The following NAV2 variants were observed in gnomAD, a reference collection of about 807,000 sequenced individuals.
The protein encoded by NAV2 is neuron navigator 2, also known as helicase, APC down-regulated 1.
NAV2 carries 54 observed loss-of-function variants against 223.2 expected under a neutral mutation model. That is an observed-to-expected ratio of 0.24 (90% confidence interval 0.19 to 0.30). The LOEUF is 0.30. NAV2 is among the 10% of genes least tolerant of loss of function. The probability of loss-of-function intolerance (pLI) is 1.00; values close to 1 mark genes in which losing one functional copy is unlikely to be tolerated. For missense variants in NAV2, 2,806 were observed against 3,147.5 expected, an observed-to-expected ratio of 0.89 and a Z score of 2.60; for synonymous variants, 1,279 against 1,239.3, an observed-to-expected ratio of 1.03 and a Z score of -0.67.
intron 36 of NAV2, among the ~76,000 whole-genome samples, chr11:20,110,381 T>C (rs2062518891): frequency 6.6e-6 from 1 of 152,202 alleles, no homozygotes; most frequent in African/African-American, 2.4e-5. Context: ...CCTCTGGTTT[T>C]GAAGGAACAT....
At position 20,077,976 on chromosome 11, in the gene NAV2, T is replaced by G; in HGVS notation, c.5068-17T>G. On this transcript the variant is annotated splice_polypyrimidine_tract_variant and intron_variant, in intron 23 of 37. Coordinates refer to ENST00000349880, the MANE Select transcript of NAV2 (RefSeq NM_145117.5). ...AGAATGATTTTAGGCTGACCAATAA[T>G]TTTTTCTGTTCCCTAGGACTCAGAA... The G allele has an allele frequency of 6.3e-7, 1 of 1,594,876 alleles. No homozygotes were observed. Among genetic ancestry groups the G allele is most frequent in the Non-Finnish European group, 8.6e-7 (1 of 1,163,096 alleles).
chr11:19,915,124 T>G (rs2043688429), intron 6 of NAV2, among the ~76,000 whole-genome samples: 1 of 152,240 alleles, frequency 6.6e-6, no homozygotes, highest in Non-Finnish European at 1.5e-5. Context: ...ACAGCTTTGC[T>G]GCACTAATCC....
intron 1 of NAV2, among the ~76,000 whole-genome samples, chr11:19,453,901 T>C (rs2133810093): frequency 6.6e-6 from 1 of 152,346 alleles, no homozygotes; most frequent in South Asian, 2.1e-4. Flanking sequence ...CTTAATTGAA[T>C]GCCTTTATGT....
At chr11:19,848,457 C>T (rs1182909105) in intron 3 of NAV2, among the ~76,000 whole-genome samples, 1 of 152,168 alleles carries the variant, frequency 6.6e-6, no homozygotes. Flanking sequence ...TTCTCTGGTC[C>T]TCCTCAGTCT....
chr11:20,004,889 A>G (rs1414996440), intron 11 of NAV2, among the ~76,000 whole-genome samples: 1 of 152,162 alleles, frequency 6.6e-6, no homozygotes, highest in African/African-American at 2.4e-5. Context: ...GCTCCAGAAT[A>G]GGGTTCAGCT....
chr11:19,933,501 G>T lies in NAV2; in HGVS notation c.1257G>T (p.Gly419=), dbSNP rs1408376962. ...NSKGGSKAGE[G]PGSRDTSCER... ...AAGGGGGCTCAAAGGCAGGTGAGGG[G>T]CCGGGGTCCCGGGACACAAGCTGTG... is the stretch of plus-strand genomic sequence containing the variant. The change falls in exon 7 of 38, where the codon GGG becomes GGT. Residue 419 remains glycine, a synonymous_variant. Coordinates refer to ENST00000349880, the MANE Select transcript of NAV2 (RefSeq NM_145117.5). This position sits in a 1 kb window ranked among gnomAD's most constrained non-coding sequence, Gnocchi z 4.3. The T allele has an allele frequency of 1.2e-6, 2 of 1,611,064 alleles. No homozygotes were observed. The highest frequency in any genetic ancestry group is 2.2e-5 in the South Asian group (2 of 90,840).
At chr11:19,345,501 G>T in the NAV2 span, among the ~76,000 whole-genome samples, 2 of 152,354 alleles carry the variant, frequency 1.3e-5, no homozygotes, top group East Asian at 3.9e-4. The surrounding 1 kb of genome is among the most constrained non-coding windows in gnomAD (Gnocchi z 5.2). Flanking sequence ...GCCCCTCATT[G>T]AGAGGCTCGG....
At chr11:19,366,352 G>A (rs753219753) in intron 1 of NAV2, among the ~76,000 whole-genome samples, 1 of 152,230 alleles carries the variant, frequency 6.6e-6, no homozygotes, top group Non-Finnish European at 1.5e-5. Context: ...GCAGGAGGGT[G>A]TGGATGGCTT....
chr11:19,867,911 CTT>C (rs1389470187), intron 3 of NAV2, among the ~76,000 whole-genome samples: 3 of 152,160 alleles, frequency 2.0e-5, no homozygotes, highest in Non-Finnish European at 4.4e-5. Flanking sequence ...AGTGTAGACA[CTT>C]TACATTTTCT....
chr11:19,841,191 A>T (rs924409135), intron 2 of NAV2, among the ~76,000 whole-genome samples: 2 of 151,894 alleles, frequency 1.3e-5, no homozygotes, highest in Non-Finnish European at 2.9e-5. Context: ...GGCAGGTTCT[A>T]AAAAAAAGGT....
chr11:19,963,863 A>ACAGTGATTTACCGAAGCG (rs2048542602), intron 10 of NAV2, among the ~76,000 whole-genome samples: 1 of 152,220 alleles, frequency 6.6e-6, no homozygotes, highest in African/African-American at 2.4e-5. Flanking sequence ...CCAATTCTGC[A>ACAGTGATTTACCGAAGCG]CAGTGATTTA....
At chr11:20,013,201 C>G (rs1212311208) in intron 11 of NAV2, among the ~76,000 whole-genome samples, 1 of 6,030 alleles carries the variant, frequency 1.7e-4, no homozygotes. Flanking sequence ...TAAAATCTAT[C>G]ATACTGGGAT....
At chr11:19,870,041 T>C (rs1201362811) in intron 4 of NAV2, among the ~76,000 whole-genome samples, 5 of 152,134 alleles carry the variant, frequency 3.3e-5, no homozygotes, top group East Asian at 3.9e-4. Flanking sequence ...ATGTATTGCG[T>C]CTCTGAGTGG....
chr11:19,766,575 G>A (rs2055246996), intron 1 of NAV2, among the ~76,000 whole-genome samples: 1 of 152,174 alleles, frequency 6.6e-6, no homozygotes, highest in South Asian at 2.1e-4. Flanking sequence ...GAGCCAACCT[G>A]CAAACCAAGT....
intron 10 of NAV2, among the ~76,000 whole-genome samples, chr11:19,965,875 G>A (rs1373555803): frequency 1.3e-5 from 2 of 152,316 alleles, no homozygotes; most frequent in South Asian, 2.1e-4. Flanking sequence ...AAAACAGCAG[G>A]GCTGGCATTG....
intron 1 of NAV2, among the ~76,000 whole-genome samples, chr11:19,436,530 T>C (rs1202300608): frequency 1.3e-5 from 2 of 152,202 alleles, no homozygotes; most frequent in East Asian, 1.9e-4. Context: ...CTTTGTTTTT[T>C]TTCCTTTGGT....
intron 11 of NAV2, among the ~76,000 whole-genome samples, chr11:20,033,778 G>C (rs1453440047): frequency 2.0e-5 from 3 of 152,032 alleles, no homozygotes; most frequent in Non-Finnish European, 4.4e-5. Context: ...TGTACAGGCA[G>C]GTATCTTCCA....
At position 20,114,679 on chromosome 11, in the gene NAV2, T is replaced by C; in HGVS notation, c.7048T>C (p.Trp2350Arg). 1 of 1,614,050 alleles carries C rather than the reference T, an allele frequency of 6.2e-7. No homozygotes were observed. The highest frequency in any genetic ancestry group is 1.1e-5 in the South Asian group (1 of 91,074). Residue 2350 changes from tryptophan to arginine, a missense_variant, in exon 37 of 38, where the codon TGG becomes CGG. Trp to Arg is a moderately radical substitution (Grantham distance 101). Coordinates refer to ENST00000349880, the MANE Select transcript of NAV2 (RefSeq NM_145117.5). ...PWAASPQQHEWPPLLQLRPED... is the reference protein window; with the variant it reads ...PWAASPQQHERPPLLQLRPED... Reference sequence around the variant, plus strand: ...GGCAGCCAGCCCACAACAGCACGAGTGGCCTCCCCTGCTGCAGTTACGGCC... The same window carrying C: ...GGCAGCCAGCCCACAACAGCACGAGCGGCCTCCCCTGCTGCAGTTACGGCC...
intron 6 of NAV2, among the ~76,000 whole-genome samples, chr11:19,910,287 T>C (rs1012141768): frequency 6.6e-6 from 1 of 152,328 alleles, no homozygotes; most frequent in Admixed American, 6.5e-5. Flanking sequence ...AATTCACTAA[T>C]CATTGAGCCC....
Sources: gnomAD v4.1 joint callset for allele counts (sites outside exome capture counted in the v4.1 genomes callset) on GRCh38, gnomAD v4.1.1 for gene constraint, Gnocchi (gnomAD v3.1) non-coding constraint, MANE v1.5 for transcripts, NCBI Gene and HGNC (gene_info 2026-07-23, HGNC 2026-07-21) for gene names.